ECPAS: variants seen among roughly 807,000 people sequenced by gnomAD.
ECPAS encodes Ecm29 proteasome adaptor and scaffold.
In ECPAS, 70 loss-of-function variants were observed where a neutral mutation model predicts 255.1. That is an observed-to-expected ratio of 0.27 (90% CI 0.23 to 0.33). The LOEUF (loss-of-function observed/expected upper bound fraction) is 0.33. Among genes scored for constraint, ECPAS ranks in the 10% least tolerant of loss-of-function variants. The pLI is 1.00. For missense variants in ECPAS, 1,817 were observed against 2,206.4 expected, an observed-to-expected ratio of 0.82 and a Z score of 3.54; for synonymous variants, 784 against 775.0, an observed-to-expected ratio of 1.01 and a Z score of -0.19.
intron 5 of ECPAS, 57 bp from the exon 6 acceptor site, chr9:111,440,578 C>T (rs1161351238): frequency 1.2e-5 from 16 of 1,363,116 alleles, no homozygotes; most frequent in Non-Finnish European, 1.6e-5. Flanking sequence ...TTTATACATG[C>T]AAAACACAGA....
intron 3 of ECPAS, among the ~76,000 whole-genome samples, chr9:111,449,951 C>T (rs559460826): frequency 6.6e-6 from 1 of 152,308 alleles, no homozygotes; most frequent in South Asian, 2.1e-4. Flanking sequence ...CTTGGCCTGG[C>T]TACTTCCTGC....
chr9:111,404,524 T>C lies in ECPAS; in HGVS notation c.2652+4047A>G, dbSNP rs112985468. On this transcript the variant is annotated intron_variant, in intron 24 of 49. Coordinates refer to ENST00000684092, the MANE Select transcript of ECPAS (RefSeq NM_001364929.1). The stretch of plus-strand genomic sequence containing the variant: ...GGGTGACTGGATCTTGGGGGTGGAC[T>C]TCCCCCTTACTGTTCTGACAGGGAG... Among the ~76,000 whole-genome samples, 14 of 149,074 alleles carry C rather than the reference T, an allele frequency of 9.4e-5. 2 individuals carry two copies. The highest frequency in any genetic ancestry group is 3.1e-4 in the African/African-American group (12 of 39,044).
Position 111,371,804 on chromosome 9 carries a change from G to A in ECPAS, c.4554C>T (p.Tyr1518=). The A allele has an allele frequency of 3.1e-6, 5 of 1,612,946 alleles. No individual in the cohort carries two copies. The highest frequency in any genetic ancestry group is 4.2e-6 in the Non-Finnish European group (5 of 1,179,064). ...VPGSFGGIRL[Y]LQELITITQK... is the part of the protein sequence containing the mutation. ...GGGTAATAGTAATTAACTCCTGCAG[G>A]TATAATCGAATGCCACCAAAGGATC... is the stretch of plus-strand genomic sequence containing the variant. The change falls in exon 43 of 50, where the codon TAC becomes TAT. Residue 1518 remains tyrosine, a synonymous_variant. Transcript: ENST00000684092.
chr9:111,401,393 G>T (rs1198991654), intron 24 of ECPAS, among the ~76,000 whole-genome samples: 1 of 152,154 alleles, frequency 6.6e-6, no homozygotes, highest in Non-Finnish European at 1.5e-5. Flanking sequence ...AAAGGGGAGG[G>T]GGGTGTACAA....
chr9:111,475,207 C>T (rs1157924661), intron 1 of ECPAS, among the ~76,000 whole-genome samples: 1 of 152,180 alleles, frequency 6.6e-6, no homozygotes, highest in Non-Finnish European at 1.5e-5. Flanking sequence ...TTTTAAAAGT[C>T]TGCTTATTGA....
At chr9:111,477,588 A>T (rs2098298006) in intron 1 of ECPAS, among the ~76,000 whole-genome samples, 2 of 152,166 alleles carry the variant, frequency 1.3e-5, no homozygotes, top group Non-Finnish European at 2.9e-5. Context: ...GCAGGACAGG[A>T]ATAACACAGT....
At chr9:111,378,853 C>A in intron 35 of ECPAS, 123 bp from the exon 36 acceptor site, 1 of 936,354 alleles carries the variant, frequency 1.1e-6, no homozygotes, top group Non-Finnish European at 1.5e-6. Flanking sequence ...GGTTGCAGAG[C>A]CTGGTCTGGG....
intron 2 of ECPAS, among the ~76,000 whole-genome samples, chr9:111,454,508 ATG>A (rs1344543850): frequency 6.6e-6 from 1 of 152,174 alleles, no homozygotes; most frequent in African/African-American, 2.4e-5. Flanking sequence ...ACCAACCACC[ATG>A]TGAGAGGGTC....
At chr9:111,479,515 C>T (rs529870457) in intron 1 of ECPAS, among the ~76,000 whole-genome samples, 1 of 152,038 alleles carries the variant, frequency 6.6e-6, no homozygotes, top group African/African-American at 2.4e-5. Flanking sequence ...ATCACTTGAA[C>T]CCAGGATGTG....
chr9:111,453,787 C>A (rs1036188168), intron 2 of ECPAS, among the ~76,000 whole-genome samples: 1 of 151,996 alleles, frequency 6.6e-6, no homozygotes, highest in East Asian at 1.9e-4. Flanking sequence ...AACTGGGGGA[C>A]ATTCTATAAG....
At chr9:111,382,540 T>C (rs1394903612) in intron 35 of ECPAS, among the ~76,000 whole-genome samples, 1 of 152,126 alleles carries the variant, frequency 6.6e-6, no homozygotes, top group African/African-American at 2.4e-5. Flanking sequence ...AGTGCTGGGA[T>C]TACAGGCACC....
At chr9:111,483,927 C>T (rs1047610682) in intron 1 of ECPAS, 189 bp downstream of exon 1, 6 of 799,450 alleles carry the variant, frequency 7.5e-6, no homozygotes, top group African/African-American at 3.8e-5. Context: ...AGCGGCCCCC[C>T]CGCCGGGCCC....
chr9:111,435,742 C>T (rs1167843539), intron 7 of ECPAS, among the ~76,000 whole-genome samples: 2 of 149,346 alleles, frequency 1.3e-5, no homozygotes, highest in Non-Finnish European at 3.0e-5. Context: ...TGCAGTGGCA[C>T]GATCTCGGCG....
At chr9:111,372,790 G>A (rs1364582214) in intron 41 of ECPAS, among the ~76,000 whole-genome samples, 170 bp from the exon 42 acceptor site, 1 of 152,192 alleles carries the variant, frequency 6.6e-6, no homozygotes, top group Non-Finnish European at 1.5e-5. Context: ...CCAGCACTTT[G>A]AGAGGCCAAG....
At chr9:111,456,940 GAAC>G (rs909632974) in intron 2 of ECPAS, among the ~76,000 whole-genome samples, 55 of 152,264 alleles carry the variant, frequency 3.6e-4, no homozygotes, top group African/African-American at 1.3e-3. Context: ...GACTGTTTGC[GAAC>G]AACAGCATTT....
chr9:111,447,387 A>G (rs1292862483), intron 3 of ECPAS, among the ~76,000 whole-genome samples: 1 of 152,204 alleles, frequency 6.6e-6, no homozygotes, highest in East Asian at 1.9e-4. Context: ...CTGAGATTAC[A>G]GGCATGAGCT....
chr9:111,438,406 G>C (rs1413538629), intron 6 of ECPAS, among the ~76,000 whole-genome samples: 1 of 152,080 alleles, frequency 6.6e-6, no homozygotes, highest in Non-Finnish European at 1.5e-5. Flanking sequence ...TGGGAGGATC[G>C]CTTGAGTCCA....
intron 25 of ECPAS, among the ~76,000 whole-genome samples, chr9:111,395,316 C>A (rs2098166033): frequency 6.6e-6 from 1 of 152,120 alleles, no homozygotes; most frequent in South Asian, 2.1e-4. Flanking sequence ...TGGGCCCTAA[C>A]TGGCTTCTCA....
chr9:111,403,733 CA>C lies in ECPAS; in HGVS notation c.2652+4837del, dbSNP rs1315983579. Among the ~76,000 whole-genome samples, 21 of 149,502 alleles carry C rather than the reference CA, an allele frequency of 1.4e-4. 1 individual carries two copies. Among genetic ancestry groups the C allele is most frequent in the Non-Finnish European group, 2.7e-4 (18 of 67,914 alleles). ...AGACAGAAAATCAAACAACCCAAATCAAAACTGAACTACACTCTAGACAAAA... is the reference window on the plus strand; with the variant it reads ...AGACAGAAAATCAAACAACCCAAATCAAACTGAACTACACTCTAGACAAAA... On this transcript the variant is annotated intron_variant, in intron 24 of 49. Transcript: ENST00000684092.
Sources: gnomAD v4.1 joint callset for allele counts (sites outside exome capture counted in the v4.1 genomes callset) on GRCh38, gnomAD v4.1.1 for gene constraint, MANE v1.5 for transcripts, NCBI Gene and HGNC (gene_info 2026-07-23, HGNC 2026-07-21) for gene names.